The following HMCN1 variants were observed in gnomAD, a reference collection of about 807,000 sequenced individuals.
HMCN1 encodes hemicentin 1, also known as hemicentin-1.
Under a neutral mutation model 625.9 loss-of-function variants are expected in HMCN1, and 321 were observed. The observed-to-expected ratio is 0.51, with a 90% CI of 0.47 to 0.56. The LOEUF (loss-of-function observed/expected upper bound fraction) is 0.56, where lower values mean the gene tolerates loss of function less well. Among genes scored for constraint, HMCN1 ranks in the 20% least tolerant of loss-of-function variants. The pLI is 0.00. For missense variants in HMCN1, 6,588 were observed against 6,887.3 expected (o/e 0.96, Z 1.54); for synonymous variants, 2,425 against 2,417.6 (o/e 1.00, Z -0.09).
At chr1:185,786,065 T>C (rs78089811) in intron 1 of HMCN1, among the ~76,000 whole-genome samples, 2,708 of 152,320 alleles carry the variant, frequency 0.018, 81 homozygotes, top group African/African-American at 0.063. Flanking sequence ...ATACTGCATG[T>C]ATATCTCAGG....
chr1:185,981,016 G>T lies in HMCN1; in HGVS notation c.2605G>T (p.Ala869Ser). 6.2e-7 allele frequency: 1 copy of T among 1,612,652 alleles called. No homozygotes were observed. The highest frequency in any genetic ancestry group is 2.2e-5 in the East Asian group (1 of 44,860). The change falls in exon 17 of 107, where the codon GCT becomes TCT. Residue 869 changes from alanine to serine, a missense_variant. Physicochemically the swap from Ala to Ser is moderately conservative, Grantham distance 99. This residue lies in a region of HMCN1 where 4,628 missense variants were observed against 4,853.1 expected (regional missense o/e 0.95). Transcript: ENST00000271588. ...TGATAAAGGAACCTATATTTGTGAA[G>T]CTGAAAACCAGTTTGGAAAGATCCA... ...ASDKGTYICEAENQFGKIQSE... is the reference protein window; with the variant it reads ...ASDKGTYICESENQFGKIQSE...
chr1:185,889,166 T>G (rs925946709), intron 4 of HMCN1, among the ~76,000 whole-genome samples: 1 of 145,492 alleles, frequency 6.9e-6, no homozygotes, highest in African/African-American at 2.8e-5. Context: ...TTTTGTATCC[T>G]GAGACTTTGC....
intron 21 of HMCN1, among the ~76,000 whole-genome samples, chr1:185,989,862 T>C (rs1226550549): frequency 6.6e-6 from 1 of 151,916 alleles, no homozygotes; most frequent in African/African-American, 2.4e-5. Flanking sequence ...GGAATGCAAT[T>C]GTATAGTCTT....
intron 1 of HMCN1, among the ~76,000 whole-genome samples, chr1:185,744,346 T>A (rs1196603545): frequency 6.6e-6 from 1 of 152,150 alleles, no homozygotes; most frequent in African/African-American, 2.4e-5. Context: ...CCAGTTCAGT[T>A]ATATAACGAC....
chr1:185,816,000 T>C (rs747682653), intron 1 of HMCN1, among the ~76,000 whole-genome samples: 3 of 150,180 alleles, frequency 2.0e-5, no homozygotes, highest in Non-Finnish European at 4.4e-5. Context: ...AATAGGCCCA[T>C]GGTCAGAATC....
chr1:186,086,286 C>G lies in HMCN1; in HGVS notation c.8925C>G (p.Thr2975=). ...SVIGPKSENL[T]VVVNNFISLT... is the part of the protein sequence containing the mutation. ...TTGGTCCTAAATCTGAAAATCTTAC[C>G]GTCGTGGTGAACAATTTCATCTCTT... Residue 2975 remains threonine, a synonymous_variant, in exon 58 of 107, where the codon ACC becomes ACG. Transcript: ENST00000271588. The G allele has an allele frequency of 6.2e-7, 1 of 1,612,938 alleles. No individual in the cohort carries two copies. The highest frequency in any genetic ancestry group is 1.1e-5 in the South Asian group (1 of 91,056).
chr1:185,990,354 G>C lies in HMCN1; in HGVS notation c.3288G>C (p.Glu1096Asp), dbSNP rs1229866737. The change falls in exon 22 of 107, where the codon GAG becomes GAC. Residue 1096 changes from glutamate (E) to aspartate (D), a missense_variant. Around this residue, in one of 3 missense-constraint regions of HMCN1, gnomAD observed 4,628 missense variants for 4,853.1 expected, o/e 0.95. Coordinates refer to ENST00000271588, the MANE Select transcript of HMCN1 (RefSeq NM_031935.3). ...AGATCTCCGTCCTTGCAGGGGAAGA[G>C]GTAACACTTCCATGTGAAGTGAAGA... is the stretch of plus-strand genomic sequence containing the variant. ...PVEISVLAGE[E>D]VTLPCEVKSL... The C allele has an allele frequency of 6.2e-7, 1 of 1,613,764 alleles. No individual in the cohort carries two copies. The highest frequency in any genetic ancestry group is 2.2e-5 in the East Asian group (1 of 44,876).
At chr1:186,039,410 GCACACA>G (rs34723003) in intron 38 of HMCN1, among the ~76,000 whole-genome samples, 6 of 148,012 alleles carry the variant, frequency 4.1e-5, no homozygotes, top group Non-Finnish European at 6.0e-5. Context: ...GTGTTCATGT[GCACACA>G]CACACACACA....
intron 46 of HMCN1, among the ~76,000 whole-genome samples, chr1:186,061,527 C>A (rs1349806015): frequency 3.9e-5 from 6 of 152,142 alleles, no homozygotes; most frequent in Non-Finnish European, 1.5e-5. Flanking sequence ...CAAACTATAT[C>A]AGCATCTCTC....
chr1:186,062,382 C>T, intron 47 of HMCN1, 132 bp from the exon 48 acceptor site: 1 of 686,100 alleles, frequency 1.5e-6, no homozygotes, highest in South Asian at 1.6e-5. Flanking sequence ...GACATTCTAG[C>T]AATCAAATAA....
intron 1 of HMCN1, among the ~76,000 whole-genome samples, chr1:185,776,727 A>G (rs1266177058): frequency 2.0e-5 from 3 of 152,174 alleles, no homozygotes; most frequent in Non-Finnish European, 4.4e-5. Flanking sequence ...GGGATAACAG[A>G]AAGCATGATT....
chr1:186,120,508 T>C (rs560796178), intron 80 of HMCN1, among the ~76,000 whole-genome samples: 5 of 152,322 alleles, frequency 3.3e-5, no homozygotes, highest in Admixed American at 1.3e-4. Flanking sequence ...ACTTAAAAAA[T>C]CATAATCGCA....
chr1:185,893,522 C>T (rs1041082257), intron 4 of HMCN1, among the ~76,000 whole-genome samples: 1 of 152,046 alleles, frequency 6.6e-6, no homozygotes, highest in African/African-American at 2.4e-5. Flanking sequence ...ATTAATATTA[C>T]AATTATTTAT....
chr1:186,009,490 A>G (rs886342584), intron 30 of HMCN1, among the ~76,000 whole-genome samples: 5 of 152,184 alleles, frequency 3.3e-5, no homozygotes, highest in Admixed American at 3.3e-4. Flanking sequence ...AAATGAAAAA[A>G]AAAAGTAAAA....
At chr1:186,050,452 A>G (rs1221116340) in intron 42 of HMCN1, among the ~76,000 whole-genome samples, 4 of 151,952 alleles carry the variant, frequency 2.6e-5, no homozygotes, top group Non-Finnish European at 5.9e-5. Flanking sequence ...GAGACTCTAG[A>G]TAAGAAACTG....
chr1:185,785,673 C>T (rs1657516022), intron 1 of HMCN1, among the ~76,000 whole-genome samples: 1 of 152,172 alleles, frequency 6.6e-6, no homozygotes, highest in South Asian at 2.1e-4. Context: ...TGTCCCAGAA[C>T]TCCAGCAATT....
At chr1:185,908,829 ATATAC>A (rs928492937) in intron 4 of HMCN1, among the ~76,000 whole-genome samples, 4 of 148,478 alleles carry the variant, frequency 2.7e-5, no homozygotes, top group African/African-American at 9.8e-5. Flanking sequence ...ATATATTATA[ATATAC>A]TATATATAAT....
At chr1:186,112,033 T>C (rs888859340) in intron 71 of HMCN1, among the ~76,000 whole-genome samples, 1 of 152,226 alleles carries the variant, frequency 6.6e-6, no homozygotes, top group African/African-American at 2.4e-5. Flanking sequence ...ACTATGATCA[T>C]ATATTTTATC....
Position 185,915,664 on chromosome 1 carries a change from C to T in HMCN1, c.900+3884C>T, listed in dbSNP as rs1571553162. ...TGGTTTTGGATAGTTATGTTGGTAG[C>T]CAGAGCCTACTAATGCCTTTTCTAC... On this transcript the variant is annotated intron_variant, in intron 6 of 106. Transcript: ENST00000271588. 2.0e-5 allele frequency among the ~76,000 whole-genome samples: 3 copies of T among 152,080 alleles called. No individual in the cohort carries two copies. The South Asian group carries it at 6.2e-4, about 32-fold the overall frequency.
Sources: gnomAD v4.1 joint callset for allele counts (sites outside exome capture counted in the v4.1 genomes callset) on GRCh38, gnomAD v4.1.1 for gene constraint, gnomAD v4.1.1 regional missense constraint, MANE v1.5 for transcripts, NCBI Gene and HGNC (gene_info 2026-07-23, HGNC 2026-07-21) for gene names.